The following DTWD2 variants were observed in gnomAD, a reference collection of about 807,000 sequenced individuals.
DTWD2 encodes tRNA-uridine aminocarboxypropyltransferase 2.
A neutral mutation model predicts 31.8 loss-of-function variants in DTWD2; 39 were observed. The ratio of observed to expected loss-of-function variants is 1.22; its 90% CI spans 0.95 to 1.60. The LOEUF (loss-of-function observed/expected upper bound fraction) is 1.60, where lower values mean the gene tolerates loss of function less well. DTWD2 is among the 40% of genes most tolerant of loss of function. The pLI is 0.00. For synonymous variants in DTWD2, 180 were observed against 142.8 expected (o/e 1.26, Z -1.86); for missense variants, 515 against 381.5 (o/e 1.35, Z -2.92).
intron 4 of DTWD2, among the ~76,000 whole-genome samples, chr5:118,867,300 T>C (rs1376793860): frequency 6.6e-6 from 1 of 151,906 alleles, no homozygotes; most frequent in Admixed American, 6.6e-5. Context: ...AAGGAAAAAA[T>C]TAATTCTATG....
chr5:118,885,707 A>T lies in DTWD2; in HGVS notation c.598-37489T>A, dbSNP rs373876529. ...CTTGAACTCGGGAGGCAGAGGTTAT[A>T]GTGAGCCAAAATTGTGCCATTGCAC... On this transcript the variant is annotated intron_variant, in intron 4 of 5. Coordinates refer to ENST00000510708, the MANE Select transcript of DTWD2 (RefSeq NM_173666.4). Among the ~76,000 whole-genome samples, 116 of 151,524 alleles carry T rather than the reference A, an allele frequency of 7.7e-4. 2 individuals carry two copies. The South Asian group carries it at 0.023, about 30-fold the overall frequency.
chr5:118,981,260 T>C (rs1355129507), intron 1 of DTWD2, among the ~76,000 whole-genome samples: 2 of 152,208 alleles, frequency 1.3e-5, no homozygotes, highest in Non-Finnish European at 2.9e-5. Flanking sequence ...TTGGGGTTTA[T>C]ACCATTTACA....
intron 4 of DTWD2, among the ~76,000 whole-genome samples, chr5:118,902,272 T>C (rs1561448534): frequency 6.6e-6 from 1 of 152,162 alleles, no homozygotes; most frequent in Non-Finnish European, 1.5e-5. Context: ...TGTTAAATAG[T>C]ACCTGAAACA....
intron 1 of DTWD2, among the ~76,000 whole-genome samples, chr5:118,965,644 C>T (rs1380498049): frequency 1.3e-5 from 2 of 152,184 alleles, no homozygotes; most frequent in South Asian, 2.1e-4. Flanking sequence ...TACCCCCAAC[C>T]CGGTGCTCTC....
At chr5:118,985,317 G>C (rs866146398) in intron 1 of DTWD2, among the ~76,000 whole-genome samples, 6 of 151,688 alleles carry the variant, frequency 4.0e-5, no homozygotes, top group Non-Finnish European at 5.9e-5. Flanking sequence ...TTCAGTCTCA[G>C]CTTACATGTC....
At chr5:118,865,492 A>G in intron 4 of DTWD2, among the ~76,000 whole-genome samples, 1 of 152,240 alleles carries the variant, frequency 6.6e-6, no homozygotes. Flanking sequence ...TACATATTTG[A>G]AAAGTGAGCG....
At position 118,931,393 on chromosome 5, in the gene DTWD2, T is replaced by C. The variant is rs571020676; in HGVS notation, c.405-2664A>G. Among the ~76,000 whole-genome samples the C allele has an allele frequency of 4.4e-4, 61 of 139,596 alleles. No homozygotes were observed. In the East Asian group the frequency reaches 0.011, roughly 24 times the overall value. The allele number at this position is 139,596 out of a possible 152,430, so 91.6% of individuals were successfully genotyped here. On this transcript the variant is annotated intron_variant, in intron 3 of 5. Transcript: ENST00000510708. ...AAGCTTGAGCAACAGAACGAGACCT[T>C]GTCTTAAAAAAAAAAAAAAAAAAAA...
At chr5:118,958,265 T>C (rs913458635) in intron 1 of DTWD2, among the ~76,000 whole-genome samples, 1 of 152,164 alleles carries the variant, frequency 6.6e-6, no homozygotes, top group South Asian at 2.1e-4. Flanking sequence ...CCATCCTGGC[T>C]AACACAGTGA....
intron 4 of DTWD2, among the ~76,000 whole-genome samples, chr5:118,876,297 T>A (rs1173813174): frequency 1.3e-5 from 2 of 151,864 alleles, no homozygotes; most frequent in Non-Finnish European, 2.9e-5. Flanking sequence ...CTAAAAGAAC[T>A]AGAGGACCAA....
chr5:118,957,757 T>C (rs542699027), intron 1 of DTWD2, among the ~76,000 whole-genome samples: 2 of 152,324 alleles, frequency 1.3e-5, no homozygotes, highest in South Asian at 4.1e-4. Flanking sequence ...ATCAAGTTTA[T>C]TTGAATTGTG....
intron 4 of DTWD2, among the ~76,000 whole-genome samples, chr5:118,900,934 A>G (rs943357556): frequency 6.6e-6 from 1 of 151,692 alleles, no homozygotes; most frequent in East Asian, 1.9e-4. Flanking sequence ...CAAAAAAAAA[A>G]AAAAAGAAAA....
In DTWD2 at chr5:118,987,894, G is replaced by T. The variant is rs561746817; in HGVS notation, c.218+400C>A. Among the ~76,000 whole-genome samples the T allele has an allele frequency of 1.7e-4, 26 of 152,308 alleles. No individual in the cohort carries two copies. The East Asian group carries it at 4.0e-3, about 24-fold the overall frequency. ...TTAGAGTTCTGGTAGGATAGGTAAA[G>T]GAGACTGTCTCTCTCCTCCAATCCA... On this transcript the variant is annotated intron_variant, in intron 1 of 5. Coordinates refer to ENST00000510708, the MANE Select transcript of DTWD2 (RefSeq NM_173666.4).
Position 118,871,889 on chromosome 5 carries a change from T to A in DTWD2, c.598-23671A>T, listed in dbSNP as rs117923925. Among the ~76,000 whole-genome samples, 120 of 152,308 alleles carry A rather than the reference T, an allele frequency of 7.9e-4. 3 individuals are homozygous for A. The East Asian group carries it at 0.021, about 27-fold the overall frequency. ...ACTGATTTCTCTCTTGCTATCAAAG[T>A]CCTTCTAATAGAAGTCTATTTTGTC... On this transcript the variant is annotated intron_variant, in intron 4 of 5. Transcript: ENST00000510708.
chr5:118,937,277 C>A (rs754991212), intron 3 of DTWD2, among the ~76,000 whole-genome samples: 1 of 151,138 alleles, frequency 6.6e-6, no homozygotes. Context: ...TTAAAACTCT[C>A]ATCATTTTAG....
intron 1 of DTWD2, among the ~76,000 whole-genome samples, chr5:118,952,096 GA>G (rs1448887479): frequency 6.6e-6 from 1 of 152,192 alleles, no homozygotes; most frequent in Non-Finnish European, 1.5e-5. Flanking sequence ...AGAGGACAGA[GA>G]AGACAGTAAA....
At chr5:118,946,182 C>T (rs2149586856) in intron 1 of DTWD2, among the ~76,000 whole-genome samples, 1 of 152,304 alleles carries the variant, frequency 6.6e-6, no homozygotes, top group East Asian at 1.9e-4. Context: ...CTTTCCAACC[C>T]CACTGAACCT....
At chr5:118,961,458 G>A (rs1754704617) in intron 1 of DTWD2, among the ~76,000 whole-genome samples, 1 of 151,932 alleles carries the variant, frequency 6.6e-6, no homozygotes, top group African/African-American at 2.4e-5. Context: ...ATGTTCTAAA[G>A]GAAACAATTT....
intron 4 of DTWD2, among the ~76,000 whole-genome samples, chr5:118,872,745 A>G (rs1321058278): frequency 6.6e-6 from 1 of 152,264 alleles, no homozygotes; most frequent in Admixed American, 6.5e-5. Flanking sequence ...TTAAACAGAC[A>G]TGATCTGAGC....
chr5:118,954,519 T>A (rs1469210137), intron 1 of DTWD2, among the ~76,000 whole-genome samples: 5 of 151,134 alleles, frequency 3.3e-5, no homozygotes, highest in Middle Eastern at 3.2e-3. Context: ...CATAAAGGAT[T>A]TTTTTCTTTT....
Sources: allele counts gnomAD v4.1 joint callset (sites outside exome capture counted in the v4.1 genomes callset), GRCh38; gene constraint gnomAD v4.1.1; transcripts MANE v1.5; gene names NCBI Gene and HGNC (gene_info 2026-07-23, HGNC 2026-07-21).